The following SYNPR variants were observed in gnomAD, a reference collection of about 807,000 sequenced individuals.
SYNPR encodes synaptoporin.
In SYNPR, 23 loss-of-function variants were observed where a neutral mutation model predicts 32.9. The ratio of observed to expected loss-of-function variants is 0.70; its 90% CI spans 0.50 to 0.99. SYNPR has a LOEUF of 0.99. Among genes scored for constraint, SYNPR ranks in the 50% least tolerant of loss-of-function variants. SYNPR has a pLI of 0.00. For synonymous variants in SYNPR, 146 were observed against 135.9 expected (o/e 1.07, Z -0.52); for missense variants, 318 against 349.3 (o/e 0.91, Z 0.71).
At chr3:63,463,668 A>T (rs1839733) in intron 2 of SYNPR, among the ~76,000 whole-genome samples, 1 of 151,834 alleles carries the variant, frequency 6.6e-6, no homozygotes, top group Non-Finnish European at 1.5e-5. Flanking sequence ...TAATATATGC[A>T]CACATGAAAA....
At chr3:63,443,382 T>G in intron 2 of SYNPR, 1 of 1,575,322 alleles carries the variant, frequency 6.3e-7, no homozygotes, top group South Asian at 1.2e-5. Flanking sequence ...AGCTTTATTT[T>G]TAGTATGAGA....
At chr3:63,256,414 T>A (rs1246551543) in intron 2 of SYNPR, among the ~76,000 whole-genome samples, 1 of 152,208 alleles carries the variant, frequency 6.6e-6, no homozygotes, top group African/African-American at 2.4e-5. Context: ...TGTTCACCAA[T>A]ATCCGCTGTT....
chr3:63,365,966 T>G (rs931161905), intron 2 of SYNPR, among the ~76,000 whole-genome samples: 1 of 152,250 alleles, frequency 6.6e-6, no homozygotes, highest in Admixed American at 6.5e-5. Flanking sequence ...TTTGATGTTC[T>G]ATTCCCTTCT....
intron 3 of SYNPR, among the ~76,000 whole-genome samples, chr3:63,269,035 T>G (rs1313745026): frequency 6.6e-6 from 1 of 152,236 alleles, no homozygotes; most frequent in Non-Finnish European, 1.5e-5. Context: ...CCCTCATATT[T>G]ATTTCCTCAA....
chr3:63,233,816 T>C (rs1321325257), intron 1 of SYNPR, among the ~76,000 whole-genome samples: 1 of 152,208 alleles, frequency 6.6e-6, no homozygotes, highest in Non-Finnish European at 1.5e-5. Flanking sequence ...AAACAGTATG[T>C]ATGTTATGAG....
At chr3:63,452,218 T>C (rs1700392041) in intron 2 of SYNPR, 1 of 593,362 alleles carries the variant, frequency 1.7e-6, no homozygotes, top group Admixed American at 2.5e-5. Context: ...CGGGTTAAGA[T>C]TTGGGATACG....
At chr3:63,247,698 C>T (rs1054501795) in intron 1 of SYNPR, among the ~76,000 whole-genome samples, 4 of 152,128 alleles carry the variant, frequency 2.6e-5, no homozygotes, top group Non-Finnish European at 4.4e-5. Flanking sequence ...ATTCTCCTTC[C>T]AATCCTTCTT....
At position 63,595,965 on chromosome 3, in the gene SYNPR, TTATATATAGTTTTATA is replaced by T. The variant is rs773303041; in HGVS notation, c.409-13135_409-13120del. ...TATATATAGTTTTATATATATAGTT[TTATATATAGTTTTATA>T]TATATATAGTTTTATATATATATAT... On this transcript the variant is annotated intron_variant, in intron 4 of 5. Coordinates refer to ENST00000478300, the MANE Select transcript of SYNPR (RefSeq NM_001130003.2). Among the ~76,000 whole-genome samples, 112 of 104,932 alleles carry T rather than the reference TTATATATAGTTTTATA, an allele frequency of 1.1e-3. 6 individuals carry two copies. The highest frequency in any genetic ancestry group is 8.3e-3 in the South Asian group (28 of 3,354). The allele number at this position is 104,932 out of a possible 152,430, so 68.8% of individuals were successfully genotyped here.
rs1345080511 is a variant in SYNPR at position 63,493,948 on chromosome 3, G to C, written c.209+12992G>C. Among the ~76,000 whole-genome samples, 3 of 151,916 alleles carry C rather than the reference G, an allele frequency of 2.0e-5. No individual in the cohort carries two copies. The East Asian group carries it at 5.8e-4, about 29-fold the overall frequency. On this transcript the variant is annotated intron_variant, in intron 3 of 5. Transcript: ENST00000478300. ...GTAAGCCTTAGACTTGTGGAAATTGGAGAACTGCTGACCTAAAAAGAATCA... is the reference window on the plus strand; with the variant it reads ...GTAAGCCTTAGACTTGTGGAAATTGCAGAACTGCTGACCTAAAAAGAATCA...
In SYNPR at chr3:63,247,946, G is replaced by A. The variant is rs770982707; in HGVS notation, n.67-4553G>A. Among the ~76,000 whole-genome samples the A allele has an allele frequency of 1.1e-3, 166 of 152,122 alleles. 3 individuals are homozygous for A. Among genetic ancestry groups the A allele is most frequent in the Non-Finnish European group, 1.3e-3 (86 of 68,010 alleles). ...GAACCCAGGTGATGCCTCATATGGT[G>A]TCTTCCTTGGTGTTTGAATTATTTA... On this transcript the variant is annotated intron_variant and non_coding_transcript_variant, in intron 1 of 4. Transcript: ENST00000478456.
At chr3:63,472,298 G>T (rs1426153550) in intron 2 of SYNPR, among the ~76,000 whole-genome samples, 2 of 152,136 alleles carry the variant, frequency 1.3e-5, no homozygotes, top group African/African-American at 2.4e-5. Flanking sequence ...AGACCTGACT[G>T]CTTCACTTAG....
chr3:63,346,142 T>C (rs2087433982), intron 2 of SYNPR, among the ~76,000 whole-genome samples: 1 of 152,158 alleles, frequency 6.6e-6, no homozygotes, highest in East Asian at 1.9e-4. Flanking sequence ...AAACTCTTCA[T>C]ACATCAATTT....
chr3:63,280,515 T>TAA (rs74513168), intron 2 of SYNPR, among the ~76,000 whole-genome samples: 1 of 145,436 alleles, frequency 6.9e-6, no homozygotes. Flanking sequence ...CTTCCAAGCC[T>TAA]AAAAAAAAAA....
intron 2 of SYNPR, among the ~76,000 whole-genome samples, chr3:63,297,181 G>T (rs1201152784): frequency 6.6e-6 from 1 of 152,108 alleles, no homozygotes; most frequent in Non-Finnish European, 1.5e-5. Flanking sequence ...ACTGTGAAGT[G>T]GCTCTGTTAT....
intron 2 of SYNPR, among the ~76,000 whole-genome samples, chr3:63,279,885 C>A (rs2086612340): frequency 6.6e-6 from 1 of 152,204 alleles, no homozygotes. Context: ...ACCAGGACAG[C>A]TTTTGGAAGG....
At chr3:63,295,645 T>C (rs776507111) in intron 2 of SYNPR, among the ~76,000 whole-genome samples, 3 of 152,210 alleles carry the variant, frequency 2.0e-5, no homozygotes, top group Non-Finnish European at 4.4e-5. Context: ...TCTCTGAAGT[T>C]CAAAGCAAGT....
chr3:63,412,736 A>G (rs1375578448), intron 2 of SYNPR, among the ~76,000 whole-genome samples: 1 of 152,138 alleles, frequency 6.6e-6, no homozygotes, highest in East Asian at 1.9e-4. Context: ...TTGGAAACTG[A>G]GCAGTATTAA....
intron 4 of SYNPR, among the ~76,000 whole-genome samples, chr3:63,564,762 T>G (rs1021036863): frequency 3.9e-5 from 6 of 152,234 alleles, no homozygotes; most frequent in Non-Finnish European, 7.3e-5. Context: ...TAGTGAATTC[T>G]TAATTACAAT....
Position 63,278,374 on chromosome 3 carries a change from C to A in SYNPR, c.-160C>A. 2.3e-6 allele frequency: 2 copies of A among 868,982 alleles called. No homozygotes were observed. 53.8% of individuals were successfully genotyped at this position (868,982 alleles called of 1,614,324 possible). A position where few individuals can be genotyped will look rare whatever the true frequency, so the allele number is the denominator to read the frequency against. ...CCCGGAGCGCAGAGCCCAGCGTTAG[C>A]GGGTGGGCTCCCCGAGGCCCCCTGC... On this transcript the variant is annotated 5_prime_UTR_variant, in exon 1 of 6. Coordinates refer to ENST00000478300, the MANE Select transcript of SYNPR (RefSeq NM_001130003.2).
Sources: gnomAD v4.1 joint callset for allele counts (sites outside exome capture counted in the v4.1 genomes callset) on GRCh38, gnomAD v4.1.1 for gene constraint, MANE v1.5 for transcripts, NCBI Gene and HGNC (gene_info 2026-07-23, HGNC 2026-07-21) for gene names.